Variants in C10orf67 observed in about 807,000 individuals in gnomAD.
C10orf67 encodes the protein uncharacterized protein C10orf67, mitochondrial.
C10orf67 carries 60 observed loss-of-function variants against 35.6 expected under a neutral mutation model. That is an observed-to-expected ratio of 1.68 (90% CI 1.37 to 2.09). The LOEUF (loss-of-function observed/expected upper bound fraction) is 2.09, where lower values mean the gene tolerates loss of function less well. Among genes scored for constraint, C10orf67 ranks in the 30% most tolerant of loss-of-function variants. The pLI is 0.00. For synonymous variants in C10orf67, 167 were observed against 115.8 expected (o/e 1.44, Z -2.84); for missense variants, 474 against 330.2 (o/e 1.44, Z -3.38).
At chr10:23,292,542 C>T (rs1361086136) in intron 5 of C10orf67, among the ~76,000 whole-genome samples, 2 of 152,062 alleles carry the variant, frequency 1.3e-5, no homozygotes, top group Non-Finnish European at 2.9e-5. Context: ...AATAATTTCT[C>T]TCGACTGATT....
At chr10:23,333,604 A>T (rs900208621) in intron 1 of C10orf67, among the ~76,000 whole-genome samples, 6 of 152,218 alleles carry the variant, frequency 3.9e-5, no homozygotes, top group Non-Finnish European at 8.8e-5. Context: ...AAAATCTGTG[A>T]GATCAAATTA....
At chr10:23,324,289 T>A (rs1046046585) in intron 2 of C10orf67, among the ~76,000 whole-genome samples, 13 of 151,970 alleles carry the variant, frequency 8.6e-5, no homozygotes, top group African/African-American at 3.1e-4. Context: ...AAGCAGATGC[T>A]TCTCTACTCT....
At chr10:23,229,932 T>G (rs889084823) in intron 13 of C10orf67, among the ~76,000 whole-genome samples, 24 of 152,106 alleles carry the variant, frequency 1.6e-4, no homozygotes, top group Non-Finnish European at 5.9e-5. Context: ...TAATTCTAAT[T>G]GAAATACCAA....
intron 15 of C10orf67, among the ~76,000 whole-genome samples, chr10:23,207,363 C>G (rs1340141962): frequency 6.6e-6 from 1 of 152,150 alleles, no homozygotes; most frequent in Admixed American, 6.5e-5. Context: ...GGGAAGGTTG[C>G]TAATTTTTTA....
At chr10:23,226,350 A>G (rs1841741297) in intron 13 of C10orf67, among the ~76,000 whole-genome samples, 1 of 152,232 alleles carries the variant, frequency 6.6e-6, no homozygotes, top group South Asian at 2.1e-4. Context: ...CTGGGTACAT[A>G]ACAAAATGAA....
At chr10:23,326,477 T>C (rs1392801087) in intron 2 of C10orf67, among the ~76,000 whole-genome samples, 1 of 152,100 alleles carries the variant, frequency 6.6e-6, no homozygotes, top group Admixed American at 6.5e-5. Context: ...TTGCCTACAG[T>C]AGGAGAATAG....
At chr10:23,315,273 T>C (rs886574933) in intron 4 of C10orf67, among the ~76,000 whole-genome samples, 29 of 152,382 alleles carry the variant, frequency 1.9e-4, no homozygotes, top group Non-Finnish European at 3.8e-4. Flanking sequence ...AATTTAATCA[T>C]TTCATAGCTT....
At chr10:23,276,403 G>T (rs922174706) in intron 8 of C10orf67, among the ~76,000 whole-genome samples, 8 of 152,010 alleles carry the variant, frequency 5.3e-5, no homozygotes, top group African/African-American at 1.7e-4. Context: ...TCAGCTTTGG[G>T]TGCTCTCCTT....
At chr10:23,328,993 C>CAAAAAAAAAAAAAAAAAAAAGAAAAAAAA (rs1845314468) in intron 2 of C10orf67, among the ~76,000 whole-genome samples, 8 of 78,728 alleles carry the variant, frequency 1.0e-4, no homozygotes, top group Admixed American at 1.5e-4. Flanking sequence ...CATAAACGAA[C>CAAAAAAAAAAAAAAAAAAAAGAAAAAAAA]AAAAAAAAAA....
At chr10:23,278,725 G>C (rs552579449) in intron 8 of C10orf67, among the ~76,000 whole-genome samples, 3 of 152,182 alleles carry the variant, frequency 2.0e-5, no homozygotes, top group Non-Finnish European at 4.4e-5. Flanking sequence ...GAGCTAACCA[G>C]GTGCTGACCA....
chr10:23,325,090 A>G (rs141994521), intron 2 of C10orf67, among the ~76,000 whole-genome samples: 1 of 152,250 alleles, frequency 6.6e-6, no homozygotes, highest in African/African-American at 2.4e-5. Context: ...TAATCCCAGC[A>G]CTTTGGGAGG....
chr10:23,288,891 T>C (rs976021029), intron 7 of C10orf67, among the ~76,000 whole-genome samples: 1 of 152,222 alleles, frequency 6.6e-6, no homozygotes, highest in Admixed American at 6.5e-5. Context: ...ATTCCTATTC[T>C]ATTCATCTCT....
chr10:23,206,392 C>G (rs1841159312), intron 15 of C10orf67, among the ~76,000 whole-genome samples: 1 of 152,116 alleles, frequency 6.6e-6, no homozygotes, highest in African/African-American at 2.4e-5. Flanking sequence ...TTGTTGGCAC[C>G]ACAGGGCTCA....
chr10:23,262,572 C>T (rs370973911), intron 10 of C10orf67, among the ~76,000 whole-genome samples: 22 of 152,170 alleles, frequency 1.4e-4, no homozygotes, highest in Non-Finnish European at 1.9e-4. Flanking sequence ...GTTTACATTA[C>T]GCTCAAACCT....
At chr10:23,300,084 G>T (rs542702143) in intron 5 of C10orf67, among the ~76,000 whole-genome samples, 33 of 152,182 alleles carry the variant, frequency 2.2e-4, no homozygotes, top group African/African-American at 7.5e-4. Flanking sequence ...GAGGGTGATG[G>T]CATGGGCTGG....
intron 15 of C10orf67, among the ~76,000 whole-genome samples, chr10:23,218,471 T>C (rs1219772681): frequency 6.6e-6 from 1 of 152,104 alleles, no homozygotes; most frequent in Non-Finnish European, 1.5e-5. Flanking sequence ...TATCATCTAA[T>C]ATGCTAAATT....
At chr10:23,338,236 A>T (rs936306437) in intron 1 of C10orf67, among the ~76,000 whole-genome samples, 11 of 152,074 alleles carry the variant, frequency 7.2e-5, no homozygotes, top group African/African-American at 2.7e-4. Flanking sequence ...TTTTGCAGCC[A>T]CCCCTGCTTG....
chr10:23,256,619 G>A (rs953201668), intron 10 of C10orf67, among the ~76,000 whole-genome samples: 3 of 151,824 alleles, frequency 2.0e-5, no homozygotes, highest in African/African-American at 7.2e-5. Flanking sequence ...AAATGTTGGT[G>A]AGCGGGGCAG....
chr10:23,269,705 C>T (rs946502055), intron 8 of C10orf67, among the ~76,000 whole-genome samples: 9 of 150,514 alleles, frequency 6.0e-5, no homozygotes, highest in Admixed American at 2.0e-4. Flanking sequence ...AAAAGGAATG[C>T]AACACAAACA....
Sources: allele counts gnomAD v4.1 joint callset (sites outside exome capture counted in the v4.1 genomes callset), GRCh38; gene constraint gnomAD v4.1.1; transcripts MANE v1.5; gene names NCBI Gene and HGNC (gene_info 2026-07-23, HGNC 2026-07-21).